The following LRRC7 variants were observed in gnomAD, a reference collection of about 807,000 sequenced individuals.
The protein encoded by LRRC7 is leucine rich repeat containing 7.
In LRRC7, 23 loss-of-function variants were observed where a neutral mutation model predicts 175.7. The observed-to-expected ratio is 0.13, with a 90% CI of 0.09 to 0.19. The LOEUF is 0.19. Among genes scored for constraint, LRRC7 ranks in the 10% least tolerant of loss-of-function variants. LRRC7 has a pLI of 1.00. For synonymous variants in LRRC7, 685 were observed against 680.9 expected (o/e 1.01, Z -0.09); for missense variants, 1,354 against 1,904.7 (o/e 0.71, Z 5.38).
intron 10 of LRRC7, among the ~76,000 whole-genome samples, chr1:69,994,178 C>T (rs983788995): frequency 3.9e-5 from 6 of 152,192 alleles, no homozygotes; most frequent in East Asian, 1.9e-4. Context: ...ATCACAACAG[C>T]GATGTTAGTT....
At chr1:69,864,999 C>A (rs945658741) in intron 7 of LRRC7, among the ~76,000 whole-genome samples, 1 of 152,026 alleles carries the variant, frequency 6.6e-6, no homozygotes, top group Admixed American at 6.6e-5. Flanking sequence ...CATCTGTTTG[C>A]CATGAGAAAG....
At chr1:69,709,426 G>A (rs1230388755) in intron 2 of LRRC7, among the ~76,000 whole-genome samples, 1 of 152,170 alleles carries the variant, frequency 6.6e-6, no homozygotes, top group South Asian at 2.1e-4. Flanking sequence ...GGAGGTGGGG[G>A]CAGAAAGAAT....
At chr1:69,845,244 C>G (rs1682216129) in intron 7 of LRRC7, among the ~76,000 whole-genome samples, 1 of 152,028 alleles carries the variant, frequency 6.6e-6, no homozygotes, top group African/African-American at 2.4e-5. Flanking sequence ...AAGTGAGACC[C>G]TCTCTCAAAT....
intron 2 of LRRC7, among the ~76,000 whole-genome samples, chr1:69,718,530 A>C (rs923188291): frequency 6.6e-6 from 1 of 151,760 alleles, no homozygotes; most frequent in African/African-American, 2.4e-5. Context: ...ACAGAACTGG[A>C]GCTCTGGGAT....
At chr1:69,908,364 A>G (rs572685264) in intron 7 of LRRC7, among the ~76,000 whole-genome samples, 21 of 151,800 alleles carry the variant, frequency 1.4e-4, no homozygotes, top group African/African-American at 2.7e-4. Flanking sequence ...TAGGGTGTCA[A>G]TTTTGGATCT....
At chr1:69,793,567 T>G (rs1036190621) in intron 4 of LRRC7, among the ~76,000 whole-genome samples, 1 of 152,036 alleles carries the variant, frequency 6.6e-6, no homozygotes, top group Non-Finnish European at 1.5e-5. Context: ...CAAAGAAGCA[T>G]TCCCAGACCA....
chr1:69,954,585 T>G (rs1318859811), intron 8 of LRRC7, among the ~76,000 whole-genome samples: 1 of 152,024 alleles, frequency 6.6e-6, no homozygotes, highest in Non-Finnish European at 1.5e-5. Flanking sequence ...TAAGCTAAAG[T>G]CTCAACAACT....
intron 3 of LRRC7, among the ~76,000 whole-genome samples, chr1:69,790,447 G>A (rs1674974883): frequency 6.6e-6 from 1 of 151,968 alleles, no homozygotes. Flanking sequence ...TAGTTGGGAT[G>A]ATGAGAAAAA....
intron 23 of LRRC7, among the ~76,000 whole-genome samples, chr1:70,059,271 A>G (rs558248153): frequency 1.7e-3 from 263 of 152,310 alleles, no homozygotes; most frequent in Non-Finnish European, 2.7e-3. Flanking sequence ...ACAAGGGTCA[A>G]TATCAGGATG....
chr1:70,110,458 C>G (rs1466616325), intron 26 of LRRC7, among the ~76,000 whole-genome samples: 1 of 152,120 alleles, frequency 6.6e-6, no homozygotes, highest in Non-Finnish European at 1.5e-5. Flanking sequence ...CTATGAAATT[C>G]TAGAATTATA....
In LRRC7 at chr1:69,631,743, C is replaced by T. The variant is rs562696223; in HGVS notation, c.3-46638C>T. 2.2e-4 allele frequency among the ~76,000 whole-genome samples: 33 copies of T among 152,228 alleles called. 1 individual carries two copies. The highest frequency in any genetic ancestry group is 4.7e-4 in the Non-Finnish European group (32 of 68,004). ...TAATAGTGAAGTGTTTAGGCTTCTT[C>T]TACCACTTTTCCTAAAAGCCCGATC... is the stretch of plus-strand genomic sequence containing the variant. On this transcript the variant is annotated intron_variant, in intron 1 of 26. Coordinates refer to ENST00000651989, the MANE Select transcript of LRRC7 (RefSeq NM_001370785.2).
At chr1:69,800,605 C>T (rs549317885) in intron 4 of LRRC7, among the ~76,000 whole-genome samples, 1 of 151,986 alleles carries the variant, frequency 6.6e-6, no homozygotes, top group South Asian at 2.1e-4. Context: ...CGAAATTTTG[C>T]TGAATTCCTT....
intron 7 of LRRC7, among the ~76,000 whole-genome samples, chr1:69,916,141 A>ATATATATTATATACATATTTTATATATAT (rs1491240022): frequency 1.2e-3 from 10 of 8,610 alleles, no homozygotes; most frequent in African/African-American, 7.8e-3. Flanking sequence ...TATATATATA[A>ATATATATTATATACATATTTTATATATAT]TATATATATT....
chr1:69,911,305 C>T (rs937204069), intron 7 of LRRC7, among the ~76,000 whole-genome samples: 36 of 152,342 alleles, frequency 2.4e-4, no homozygotes, highest in African/African-American at 7.9e-4. Context: ...ACGCTGGGAG[C>T]TGTAGACTGG....
At chr1:69,866,985 A>G (rs1685015808) in intron 7 of LRRC7, among the ~76,000 whole-genome samples, 1 of 152,078 alleles carries the variant, frequency 6.6e-6, no homozygotes, top group Non-Finnish European at 1.5e-5. Context: ...TATTTTTCAG[A>G]CTCTTTGAGA....
At chr1:70,064,544 C>T (rs771687018) in intron 23 of LRRC7, among the ~76,000 whole-genome samples, 13 of 151,706 alleles carry the variant, frequency 8.6e-5, no homozygotes, top group Non-Finnish European at 1.3e-4. Context: ...AATCAGAAAA[C>T]ATTATAGCAT....
Position 70,142,983 on chromosome 1 carries a change from TA to T in LRRC7, c.*21098del, listed in dbSNP as rs1667127311. ...TTTTGACCTCAGTTATTTTGGGGCATAATCCTTTTACTACTCTATAAAGAAG... is the reference window on the plus strand; with the variant it reads ...TTTTGACCTCAGTTATTTTGGGGCATATCCTTTTACTACTCTATAAAGAAG... On this transcript the variant is annotated 3_prime_UTR_variant, in exon 27 of 27. Coordinates refer to ENST00000651989, the MANE Select transcript of LRRC7 (RefSeq NM_001370785.2). 6.6e-6 allele frequency: 1 copy of T among 152,112 alleles called. No homozygotes were observed. Among genetic ancestry groups the T allele is most frequent in the Non-Finnish European group, 1.5e-5 (1 of 67,962 alleles). The allele number at this position is 152,112 out of a possible 1,614,324, so 9.4% of individuals were successfully genotyped here. A position where few individuals can be genotyped will look rare whatever the true frequency, so the allele number is the denominator to read the frequency against.
chr1:69,965,939 A>G (rs1380209199), intron 8 of LRRC7, among the ~76,000 whole-genome samples: 1 of 152,214 alleles, frequency 6.6e-6, no homozygotes, highest in East Asian at 1.9e-4. Flanking sequence ...GGCTAGTAAT[A>G]AACCAAGTGT....
In LRRC7 at chr1:69,732,595, A is replaced by C. The variant is rs190973970; in HGVS notation, c.101-27596A>C. On this transcript the variant is annotated intron_variant, in intron 2 of 26. Coordinates refer to ENST00000651989, the MANE Select transcript of LRRC7 (RefSeq NM_001370785.2). ...GACAAGCAGGGACAATAATCTAGAA[A>C]GATTAGATTTAAGTAAATATAATAA... Among the ~76,000 whole-genome samples, 760 of 152,164 alleles carry C rather than the reference A, an allele frequency of 5.0e-3. 3 individuals carry two copies. Among genetic ancestry groups the C allele is most frequent in the Middle Eastern group, 0.01 (3 of 294 alleles).
Sources: allele counts gnomAD v4.1 joint callset (sites outside exome capture counted in the v4.1 genomes callset), GRCh38; gene constraint gnomAD v4.1.1; transcripts MANE v1.5; gene names NCBI Gene and HGNC (gene_info 2026-07-23, HGNC 2026-07-21).